LRP6: variants seen among roughly 807,000 people sequenced by gnomAD.
LRP6 encodes low-density lipoprotein receptor-related protein 6.
A neutral mutation model predicts 184.1 loss-of-function variants in LRP6; 43 were observed. The ratio of observed to expected loss-of-function variants is 0.23; its 90% CI spans 0.18 to 0.30. LRP6 has a LOEUF of 0.30. Ranked by LOEUF, LRP6 falls within the 10% of genes least tolerant of loss-of-function variation. The pLI is 1.00. For missense variants in LRP6, 1,571 were observed against 2,005.3 expected, an observed-to-expected ratio of 0.78 and a Z score of 4.14; for synonymous variants, 719 against 684.9, an observed-to-expected ratio of 1.05 and a Z score of -0.78.
rs1464763983 is a variant in LRP6, at chr12:12,160,063, A to G, written c.2280-99T>C. The G allele has an allele frequency of 4.6e-6, 4 of 861,356 alleles. No homozygotes were observed. In the East Asian group the frequency reaches 1.1e-4, roughly 23 times the overall value. The allele number at this position is 861,356 out of a possible 1,614,324, so 53.4% of individuals were successfully genotyped here. The stretch of plus-strand genomic sequence containing the variant: ...GTAACTAAATAAATTTAAAGAAAAC[A>G]TACAGCAAATCAAGGAAATGGGTTA... On this transcript the variant is annotated intron_variant, in intron 10 of 22. Transcript: ENST00000261349.
intron 2 of LRP6, among the ~76,000 whole-genome samples, chr12:12,220,654 G>A (rs577632093): frequency 1.7e-4 from 26 of 150,002 alleles, no homozygotes; most frequent in East Asian, 5.9e-4. Context: ...GTTGGAATGC[G>A]GTGGTACAAT....
intron 3 of LRP6, among the ~76,000 whole-genome samples, chr12:12,201,834 T>C (rs1038752144): frequency 2.0e-5 from 3 of 152,234 alleles, no homozygotes; most frequent in African/African-American, 7.2e-5. Context: ...CACATTGTTA[T>C]ATGTCATTTC....
rs866610336 is a variant in LRP6 at position 12,144,278 on chromosome 12, T to C, written c.3397+3088A>G. Among the ~76,000 whole-genome samples the C allele has an allele frequency of 1.4e-4, 21 of 152,338 alleles. No homozygotes were observed. In the South Asian group the frequency reaches 1.5e-3, roughly 11 times the overall value. Reference sequence around the variant, plus strand: ...AGGCTGGAGTGCAGTGGTGCAATCATGATCATGGCTCATTGCAGCAGTGGG... The same window carrying C: ...AGGCTGGAGTGCAGTGGTGCAATCACGATCATGGCTCATTGCAGCAGTGGG... On this transcript the variant is annotated intron_variant, in intron 15 of 22. Transcript: ENST00000261349.
In LRP6 at chr12:12,119,987, C is replaced by CAAACAAACAAACAAACAAACAAAAA. The variant is rs567315765; in HGVS notation, c.*1138_*1139insTTTTTGTTTGTTTGTTTGTTTGTTT. 7.0e-5 allele frequency: 3 copies of CAAACAAACAAACAAACAAACAAAAA among 42,938 alleles called. No individual in the cohort carries two copies. Among genetic ancestry groups the CAAACAAACAAACAAACAAACAAAAA allele is most frequent in the Admixed American group, 6.1e-4 (2 of 3,262 alleles). The allele number at this position is 42,938 out of a possible 1,614,324, so 2.7% of individuals were successfully genotyped here. A position where few individuals can be genotyped will look rare whatever the true frequency, so the allele number is the denominator to read the frequency against. ...TTTACTCAGAAAACAAACAAACAAA[C>CAAACAAACAAACAAACAAACAAAAA]AAAATATATATATATATATATATAT... On this transcript the variant is annotated 3_prime_UTR_variant, in exon 23 of 23. Coordinates refer to ENST00000261349, the MANE Select transcript of LRP6 (RefSeq NM_002336.3).
At chr12:12,221,515 T>C (rs1864488855) in intron 2 of LRP6, among the ~76,000 whole-genome samples, 1 of 152,208 alleles carries the variant, frequency 6.6e-6, no homozygotes, top group African/African-American at 2.4e-5. Flanking sequence ...ATTTCAACCC[T>C]GGCAGCACTT....
rs2136847624 is a variant in LRP6 at position 12,126,815 on chromosome 12, C to T, written c.4188G>A (p.Arg1396=). 6.2e-7 allele frequency: 1 copy of T among 1,614,128 alleles called. No homozygotes were observed. ...CTCCCTTCATACGTGGACACAACAT[C>T]CTCTGGCAGATAAAGTATACAGTTC... ...VSGTVYFICQ[R]MLCPRMKGDG... is the part of the protein sequence containing the mutation. Residue 1396 remains arginine (R), a synonymous_variant, in exon 20 of 23, where the codon AGG becomes AGA. Transcript: ENST00000261349.
intron 12 of LRP6, among the ~76,000 whole-genome samples, chr12:12,158,620 G>C (rs970040346): frequency 2.6e-5 from 4 of 152,134 alleles, no homozygotes; most frequent in Non-Finnish European, 5.9e-5. Context: ...CAATGGACCA[G>C]CATAAGACTT....
chr12:12,195,254 TA>T (rs1469613229), intron 3 of LRP6, among the ~76,000 whole-genome samples: 5 of 152,110 alleles, frequency 3.3e-5, no homozygotes, highest in African/African-American at 1.2e-4. Flanking sequence ...GTTCTATTTG[TA>T]ATTTTTTGAG....
At chr12:12,152,256 C>G (rs529654922) in intron 12 of LRP6, among the ~76,000 whole-genome samples, 136 of 152,298 alleles carry the variant, frequency 8.9e-4, no homozygotes, top group African/African-American at 3.1e-3. Flanking sequence ...TGAGGCCTCC[C>G]CAGCCATGTG....
intron 15 of LRP6, among the ~76,000 whole-genome samples, chr12:12,142,970 T>C (rs966931431): frequency 1.3e-5 from 2 of 151,916 alleles, no homozygotes; most frequent in African/African-American, 4.8e-5. Context: ...CCAGCCAGTA[T>C]AAGGAAAGAA....
In LRP6 at chr12:12,198,777, G is replaced by A. The variant is rs769234298; in HGVS notation, c.647+4426C>T. 2.8e-4 allele frequency among the ~76,000 whole-genome samples: 42 copies of A among 151,906 alleles called. No individual in the cohort carries two copies. In the Middle Eastern group the frequency reaches 0.02, roughly 74 times the overall value. On this transcript the variant is annotated intron_variant, in intron 3 of 22. Transcript: ENST00000261349. Reference sequence around the variant, plus strand: ...TCGAACTCCTGACCTCAGGTGACCCGCCTGCCTTGGCCTTCCAAAGTGCTG... The same window carrying A: ...TCGAACTCCTGACCTCAGGTGACCCACCTGCCTTGGCCTTCCAAAGTGCTG...
chr12:12,250,942 G>A (rs932531080), intron 1 of LRP6, among the ~76,000 whole-genome samples: 2 of 144,816 alleles, frequency 1.4e-5, no homozygotes, highest in Admixed American at 6.9e-5. Context: ...CTTCTTCTTC[G>A]TTTTTCGAGA....
intron 2 of LRP6, among the ~76,000 whole-genome samples, chr12:12,223,886 C>T (rs1204221163): frequency 6.6e-6 from 1 of 152,134 alleles, no homozygotes; most frequent in African/African-American, 2.4e-5. Context: ...ATCCACCATC[C>T]ACTTATACTT....
chr12:12,258,284 T>G (rs774774156), intron 1 of LRP6, among the ~76,000 whole-genome samples: 5 of 152,132 alleles, frequency 3.3e-5, no homozygotes, highest in Non-Finnish European at 5.9e-5. Flanking sequence ...GACCAGATAA[T>G]TTTTTAATTT....
intron 2 of LRP6, among the ~76,000 whole-genome samples, chr12:12,241,695 A>G (rs937148217): frequency 6.6e-6 from 1 of 152,152 alleles, no homozygotes; most frequent in African/African-American, 2.4e-5. Flanking sequence ...ACACACATCA[A>G]AAATAATACA....
chr12:12,204,479 A>G (rs1200496216), intron 2 of LRP6, among the ~76,000 whole-genome samples: 1 of 152,060 alleles, frequency 6.6e-6, no homozygotes, highest in African/African-American at 2.4e-5. Flanking sequence ...TAATTTCCTA[A>G]ATATGCTAAT....
At chr12:12,185,536 T>C (rs1863447572) in intron 4 of LRP6, among the ~76,000 whole-genome samples, 1 of 152,166 alleles carries the variant, frequency 6.6e-6, no homozygotes, top group African/African-American at 2.4e-5. Context: ...TGTAATAAAA[T>C]CTGAAATACA....
chr12:12,246,871 G>C (rs1865200308), intron 1 of LRP6, among the ~76,000 whole-genome samples: 1 of 152,174 alleles, frequency 6.6e-6, no homozygotes, highest in Non-Finnish European at 1.5e-5. Flanking sequence ...GATTGTGTCT[G>C]TCAAATAGTT....
At chr12:12,137,961 G>A (rs1293967084) in intron 16 of LRP6, among the ~76,000 whole-genome samples, 1 of 151,602 alleles carries the variant, frequency 6.6e-6, no homozygotes, top group Non-Finnish European at 1.5e-5. Context: ...TCAGAAGTTC[G>A]AGATCAGCCT....
Sources: allele counts gnomAD v4.1 joint callset (sites outside exome capture counted in the v4.1 genomes callset), GRCh38; gene constraint gnomAD v4.1.1; transcripts MANE v1.5; gene names NCBI Gene and HGNC (gene_info 2026-07-23, HGNC 2026-07-21).